Variants in AHDC1 observed in about 807,000 individuals in gnomAD.
AHDC1 encodes the protein transcription factor Gibbin.
Under a neutral mutation model 87.9 loss-of-function variants are expected in AHDC1, and 7 were observed. The observed-to-expected ratio is 0.08, with a 90% confidence interval of 0.05 to 0.15. AHDC1 has a LOEUF of 0.15. Among genes scored for constraint, AHDC1 ranks in the 10% least tolerant of loss-of-function variants. The pLI, the probability that AHDC1 is intolerant of heterozygous loss-of-function variation, is 1.00. For missense variants in AHDC1, 1,841 were observed against 2,253.2 expected (o/e 0.82, Z 3.70); for synonymous variants, 1,051 against 1,006.8 (o/e 1.04, Z -0.83).
intron 3 of AHDC1, among the ~76,000 whole-genome samples, chr1:27,585,228 G>A (rs1362220158): frequency 4.1e-5 from 6 of 148,050 alleles, no homozygotes; most frequent in African/African-American, 1.3e-4. Flanking sequence ...ACTCCAACCC[G>A]GGCAACAGGA....
chr1:27,572,359 C>G (rs1003021133), intron 3 of AHDC1, among the ~76,000 whole-genome samples: 1 of 152,184 alleles, frequency 6.6e-6, no homozygotes, highest in Admixed American at 6.5e-5. Context: ...CCCCTCTGTA[C>G]AAAGATAGAA....
rs535744548 is a variant in AHDC1 at position 27,599,606 on chromosome 1, TTTCTC to T, written c.-629+3786_-629+3790del. Among the ~76,000 whole-genome samples, 14 of 152,320 alleles carry T rather than the reference TTTCTC, an allele frequency of 9.2e-5. No individual in the cohort carries two copies. In the East Asian group the frequency reaches 2.7e-3, roughly 29 times the overall value. ...AGTGGCTCCTCTCCCTAGACTTGGC[TTTCTC>T]TCGTCAAACAAGTGGGGGGCGTCCA... is the stretch of plus-strand genomic sequence containing the variant. On this transcript the variant is annotated intron_variant, in intron 3 of 8. Coordinates refer to ENST00000673934, the MANE Select transcript of AHDC1 (RefSeq NM_001371928.1).
chr1:27,566,316 G>A (rs909044659), intron 3 of AHDC1, among the ~76,000 whole-genome samples: 1 of 151,162 alleles, frequency 6.6e-6, no homozygotes, highest in African/African-American at 2.4e-5. Context: ...GAGCCAGAGA[G>A]GGAGAGAGAG....
intron 3 of AHDC1, among the ~76,000 whole-genome samples, chr1:27,589,076 G>A (rs1374920070): frequency 6.6e-6 from 1 of 152,018 alleles, no homozygotes; most frequent in Non-Finnish European, 1.5e-5. Context: ...CAGCTGCCAT[G>A]GCCTCGACCA....
intron 3 of AHDC1, among the ~76,000 whole-genome samples, chr1:27,592,701 C>T (rs1183364340): frequency 6.6e-6 from 1 of 152,136 alleles, no homozygotes; most frequent in African/African-American, 2.4e-5. Context: ...CCTCTGGACT[C>T]GGTTGCTCCA....
In AHDC1 at chr1:27,587,308, G is replaced by A. The variant is rs368604505; in HGVS notation, c.-629+16089C>T. Among the ~76,000 whole-genome samples, 13 of 152,274 alleles carry A rather than the reference G, an allele frequency of 8.5e-5. No homozygotes were observed. The East Asian group carries it at 9.6e-4, about 11-fold the overall frequency. ...CTACAACACTGGATTTTCAGAGGGCGGCTCAGTTCCATGCTGCCCTCTCCC... is the reference window on the plus strand; with the variant it reads ...CTACAACACTGGATTTTCAGAGGGCAGCTCAGTTCCATGCTGCCCTCTCCC... On this transcript the variant is annotated intron_variant, in intron 3 of 8. Transcript: ENST00000673934.
rs1206251695 is a variant in AHDC1, at chr1:27,561,504, G to C, written c.-628-2621C>G. Among the ~76,000 whole-genome samples the C allele has an allele frequency of 3.9e-5, 6 of 152,168 alleles. No homozygotes were observed. Among genetic ancestry groups the C allele is most frequent in the African/African-American group, 1.4e-4 (6 of 41,408 alleles). On this transcript the variant is annotated intron_variant, in intron 3 of 8. Coordinates refer to ENST00000673934, the MANE Select transcript of AHDC1 (RefSeq NM_001371928.1). The surrounding 1 kb of genome is among the most constrained non-coding windows in gnomAD (Gnocchi z 4.2). ...GAGGCAGAGGACAGTGTGGTGGGGG[G>C]AACACAGCAAGGAGGGGTGCAGGGG...
At chr1:27,583,672 T>C (rs931946542) in intron 3 of AHDC1, among the ~76,000 whole-genome samples, 46 of 152,158 alleles carry the variant, frequency 3.0e-4, no homozygotes, top group African/African-American at 1.1e-3. Flanking sequence ...TTGTGACTAA[T>C]AGTGTGGCTT....
chr1:27,567,785 C>T (rs1013075703), intron 3 of AHDC1, among the ~76,000 whole-genome samples: 2 of 152,330 alleles, frequency 1.3e-5, no homozygotes, highest in African/African-American at 4.8e-5. Flanking sequence ...CTCCCAGCTC[C>T]CCCAACATCT....
Position 27,547,941 on chromosome 1 carries a change from G to A in AHDC1, c.4175C>T (p.Ala1392Val). The A allele has an allele frequency of 6.3e-7, 1 of 1,588,010 alleles. No homozygotes were observed. The highest frequency in any genetic ancestry group is 1.1e-5 in the South Asian group (1 of 87,878). Residue 1392 changes from alanine to valine, a missense_variant, in exon 8 of 9, where the codon GCC becomes GTC. Ala to Val is a moderately conservative substitution (Grantham distance 64, BLOSUM62 0). Coordinates refer to ENST00000673934, the MANE Select transcript of AHDC1 (RefSeq NM_001371928.1). The surrounding 1 kb of genome is among the most constrained non-coding windows in gnomAD (Gnocchi z 4.9). ...PLAHPPTVFD[A>V]GLQKAYSPTC... ...GGGCGAGTATGCCTTCTGCAGGCCGGCGTCAAACACCGTGGGTGGGTGGGC... is the reference window on the plus strand; with the variant it reads ...GGGCGAGTATGCCTTCTGCAGGCCGACGTCAAACACCGTGGGTGGGTGGGC...
At chr1:27,591,806 T>C (rs1428706220) in intron 3 of AHDC1, among the ~76,000 whole-genome samples, 2 of 152,160 alleles carry the variant, frequency 1.3e-5, no homozygotes, top group Non-Finnish European at 2.9e-5. Flanking sequence ...TAAAATGGGG[T>C]AATAGTGCCT....
intron 3 of AHDC1, among the ~76,000 whole-genome samples, chr1:27,572,110 G>A (rs534557438): frequency 6.6e-6 from 1 of 151,796 alleles, no homozygotes; most frequent in East Asian, 1.9e-4. Context: ...AATGGAGGGG[G>A]TTGCTTATCC....
chr1:27,543,201 AG>A (rs2019007219), intron 8 of AHDC1, among the ~76,000 whole-genome samples: 1 of 152,172 alleles, frequency 6.6e-6, no homozygotes, highest in Non-Finnish European at 1.5e-5. Flanking sequence ...GGGAGTAGGG[AG>A]GGGAGAGGGA....
intron 3 of AHDC1, among the ~76,000 whole-genome samples, chr1:27,583,739 A>G (rs902312388): frequency 1.3e-5 from 2 of 152,200 alleles, no homozygotes; most frequent in African/African-American, 4.8e-5. Flanking sequence ...TTCCTTGGGC[A>G]TGTCACTGTA....
rs1177268397 is a variant in AHDC1, at chr1:27,562,812, C to T, written c.-628-3929G>A. 6.6e-6 allele frequency among the ~76,000 whole-genome samples: 1 copy of T among 152,206 alleles called. No individual in the cohort carries two copies. Among genetic ancestry groups the T allele is most frequent in the East Asian group, 1.9e-4 (1 of 5,198 alleles). On this transcript the variant is annotated intron_variant, in intron 3 of 8. Coordinates refer to ENST00000673934, the MANE Select transcript of AHDC1 (RefSeq NM_001371928.1). The surrounding 1 kb of genome is among the most constrained non-coding windows in gnomAD (Gnocchi z 4.4). ...ACACGAGCTCCCAAGTTACTGACAA[C>T]TTCCCAACAGCATGAGAGAATCACA...
rs1045137238 is a variant in AHDC1, at chr1:27,560,818, G to A, written c.-628-1935C>T. Among the ~76,000 whole-genome samples the A allele has an allele frequency of 6.6e-6, 1 of 152,066 alleles. No individual in the cohort carries two copies. The highest frequency in any genetic ancestry group is 1.5e-5 in the Non-Finnish European group (1 of 68,010). Reference sequence around the variant, plus strand: ...TGTGTCAGCACAACGGTGCCCCAGGGTTTGTGTGGTACCTTTGTGAAGGGC... The same window carrying A: ...TGTGTCAGCACAACGGTGCCCCAGGATTTGTGTGGTACCTTTGTGAAGGGC... On this transcript the variant is annotated intron_variant, in intron 3 of 8. Coordinates refer to ENST00000673934, the MANE Select transcript of AHDC1 (RefSeq NM_001371928.1). This position sits in a 1 kb window ranked among gnomAD's most constrained non-coding sequence, Gnocchi z 4.1.
chr1:27,599,309 C>T (rs1017272452), intron 3 of AHDC1, among the ~76,000 whole-genome samples: 2 of 152,072 alleles, frequency 1.3e-5, no homozygotes, highest in African/African-American at 2.4e-5. Flanking sequence ...CCAGCTCTGG[C>T]TCTCTCATCC....
In AHDC1 at chr1:27,549,042, G is replaced by C. The variant is rs772498362; in HGVS notation, c.3074C>G (p.Thr1025Ser). The change falls in exon 8 of 9, where the codon ACC (threonine) becomes AGC (serine). Residue 1025 changes from threonine (T) to serine (S), a missense_variant. By Grantham distance (58) the Thr-to-Ser change is moderately conservative. Around this residue, in one of 13 missense-constraint regions of AHDC1, gnomAD observed 378 missense variants for 399.0 expected, o/e 0.95. Coordinates refer to ENST00000673934, the MANE Select transcript of AHDC1 (RefSeq NM_001371928.1). ...GCTTGGTGGCAGGCAGGGGCCCCCG[G>C]TAGGCGGTGGGGCATAGCCGGCGCT... The part of the protein sequence containing the change: ...AHSAGYAPPP[T>S]GGPCLPPSKA... 113 of 1,575,900 alleles carry C rather than the reference G, an allele frequency of 7.2e-5. No homozygotes were observed. In the East Asian group the frequency reaches 2.5e-3, roughly 34 times the overall value.
chr1:27,538,919 G>A (rs1213351411), intron 8 of AHDC1, among the ~76,000 whole-genome samples: 1 of 152,086 alleles, frequency 6.6e-6, no homozygotes, highest in Non-Finnish European at 1.5e-5. Context: ...AACCACAGAG[G>A]CCCAAAGCCT....
Sources: gnomAD v4.1 joint callset for allele counts (sites outside exome capture counted in the v4.1 genomes callset) on GRCh38, gnomAD v4.1.1 for gene constraint, gnomAD v4.1.1 regional missense constraint, Gnocchi (gnomAD v3.1) non-coding constraint, MANE v1.5 for transcripts, NCBI Gene and HGNC (gene_info 2026-07-23, HGNC 2026-07-21) for gene names.